Variants in DPH6 observed in about 807,000 individuals in gnomAD.
DPH6 encodes the protein diphthamine biosynthesis 6, also known as diphthine--ammonia ligase.
Under a neutral mutation model 38.2 loss-of-function variants are expected in DPH6, and 33 were observed. The ratio of observed to expected loss-of-function variants is 0.86; its 90% CI spans 0.65 to 1.15. The LOEUF (loss-of-function observed/expected upper bound fraction) is 1.15, where lower values mean the gene tolerates loss of function less well. Among genes scored for constraint, DPH6 ranks in the 50% most tolerant of loss-of-function variants. The pLI is 0.00. For synonymous variants in DPH6, 108 were observed against 103.0 expected, an observed-to-expected ratio of 1.05 and a Z score of -0.30; for missense variants, 325 against 320.0, an observed-to-expected ratio of 1.02 and a Z score of -0.12.
intron 3 of DPH6, among the ~76,000 whole-genome samples, chr15:35,229,517 ATC>A (rs2051503276): frequency 1.3e-5 from 2 of 152,186 alleles, no homozygotes; most frequent in Admixed American, 6.5e-5. Flanking sequence ...AAGGTCACAT[ATC>A]TCTGTTTCTC....
At chr15:35,170,685 A>G in the DPH6 span, among the ~76,000 whole-genome samples, 1 of 152,180 alleles carries the variant, frequency 6.6e-6, no homozygotes, top group Non-Finnish European at 1.5e-5. Context: ...TGAGTAGGAA[A>G]AATGCACTGC....
chr15:35,412,519 A>G (rs8042004), intron 5 of DPH6, among the ~76,000 whole-genome samples: 46,495 of 151,492 alleles, frequency 0.31, 7,848 homozygotes, highest in African/African-American at 0.45. Context: ...CTGCACAAAA[A>G]CCTGCACATG....
At chr15:35,537,126 T>G (rs779488004) in intron 3 of DPH6, among the ~76,000 whole-genome samples, 23 of 152,164 alleles carry the variant, frequency 1.5e-4, no homozygotes, top group Non-Finnish European at 3.1e-4. Flanking sequence ...GTGCTTCATA[T>G]ATTTTTCAAA....
At chr15:35,464,570 C>A (rs1030626283) in intron 3 of DPH6, among the ~76,000 whole-genome samples, 1 of 151,904 alleles carries the variant, frequency 6.6e-6, no homozygotes, top group Non-Finnish European at 1.5e-5. Flanking sequence ...TTCAAAGAAA[C>A]AAATCTGGTT....
chr15:35,524,013 A>C (rs561934229), intron 3 of DPH6, among the ~76,000 whole-genome samples: 6 of 152,062 alleles, frequency 3.9e-5, no homozygotes, highest in African/African-American at 1.4e-4. Flanking sequence ...TTTTTCAAAC[A>C]AACCAGTTTA....
At chr15:35,309,981 C>T (rs574405439) in intron 3 of DPH6, among the ~76,000 whole-genome samples, 3 of 152,134 alleles carry the variant, frequency 2.0e-5, no homozygotes, top group Non-Finnish European at 2.9e-5. Context: ...GAAATCACAA[C>T]TTTTGGGCCT....
intron 3 of DPH6, chr15:35,298,789 G>C: frequency 1.6e-6 from 2 of 1,229,332 alleles, no homozygotes; most frequent in Non-Finnish European, 2.4e-6. Flanking sequence ...CCGGGTTGGA[G>C]ATCTCGGTCT....
intron 3 of DPH6, chr15:35,237,248 C>G (rs2051559424): frequency 7.6e-7 from 1 of 1,319,254 alleles, no homozygotes; most frequent in Non-Finnish European, 1.1e-6. Flanking sequence ...CTGGTTGAGC[C>G]TTGAAAGTGC....
chr15:35,479,454 C>G (rs1352266565), intron 3 of DPH6, among the ~76,000 whole-genome samples: 3 of 152,056 alleles, frequency 2.0e-5, no homozygotes, highest in African/African-American at 7.2e-5. Flanking sequence ...TTGCTACAAG[C>G]AGCAACATGT....
downstream of DPH6, among the ~76,000 whole-genome samples, chr15:35,366,254 G>GTA (rs927667202): frequency 4.0e-5 from 6 of 151,160 alleles, no homozygotes; most frequent in African/African-American, 1.2e-4. Context: ...GTGTGTGTGT[G>GTA]TGTGTGTGTA....
the DPH6 span, among the ~76,000 whole-genome samples, chr15:35,195,806 C>A: frequency 6.6e-6 from 1 of 152,128 alleles, no homozygotes; most frequent in African/African-American, 2.4e-5. Flanking sequence ...GGTAGTCATC[C>A]CCCTAAAGCC....
intron 6 of DPH6, among the ~76,000 whole-genome samples, chr15:35,408,927 A>G (rs2053329164): frequency 6.6e-6 from 1 of 151,946 alleles, no homozygotes; most frequent in African/African-American, 2.4e-5. Flanking sequence ...AGAGGTAGTC[A>G]GAGAAGAACT....
chr15:35,238,978 GC>G (rs1430691654), intron 3 of DPH6, among the ~76,000 whole-genome samples: 1 of 145,834 alleles, frequency 6.9e-6, no homozygotes, highest in Non-Finnish European at 1.5e-5. Context: ...TTCGGACTCA[GC>G]CCGCCTGCAC....
intron 3 of DPH6, among the ~76,000 whole-genome samples, chr15:35,352,437 C>A (rs1402766763): frequency 1.3e-5 from 2 of 152,186 alleles, no homozygotes; most frequent in Non-Finnish European, 2.9e-5. Flanking sequence ...CCGCTACCCC[C>A]ACCCCACAAC....
At chr15:35,463,133 T>C (rs2054085914) in intron 3 of DPH6, among the ~76,000 whole-genome samples, 1 of 152,090 alleles carries the variant, frequency 6.6e-6, no homozygotes, top group African/African-American at 2.4e-5. Context: ...CAAACAGATA[T>C]ATACGAGTAT....
chr15:35,295,944 T>C (rs1008281513), intron 3 of DPH6, among the ~76,000 whole-genome samples: 3 of 151,758 alleles, frequency 2.0e-5, no homozygotes, highest in Non-Finnish European at 4.4e-5. Context: ...ATTTTTGAGA[T>C]AGAGTCTCGC....
chr15:35,496,563 AAAAAATATAT>A lies in DPH6; in HGVS notation c.312+41701_312+41710del, dbSNP rs1566931245. ...AGACGAAAGTTCCATCTCAAAAAAA[AAAAAATATAT>A]ATATATATATATATATATCCTCTAC... is the stretch of plus-strand genomic sequence containing the variant. On this transcript the variant is annotated intron_variant, in intron 3 of 8. Transcript: ENST00000256538. Among the ~76,000 whole-genome samples the A allele has an allele frequency of 1.1e-3, 17 of 16,016 alleles. 1 individual carries two copies. In the South Asian group the frequency reaches 0.077, roughly 72 times the overall value. The allele number at this position is 16,016 out of a possible 152,430, so 10.5% of individuals were successfully genotyped here.
At chr15:35,376,769 T>A (rs1242336542) in intron 7 of DPH6, among the ~76,000 whole-genome samples, 1 of 152,182 alleles carries the variant, frequency 6.6e-6, no homozygotes, top group African/African-American at 2.4e-5. Context: ...TGTGTTACAG[T>A]TATTCAGTCT....
intron 3 of DPH6, among the ~76,000 whole-genome samples, chr15:35,253,447 G>T (rs138948509): frequency 6.6e-6 from 1 of 152,100 alleles, no homozygotes; most frequent in East Asian, 1.9e-4. Flanking sequence ...CACCATTCGG[G>T]AATAATACAT....
Sources: allele counts gnomAD v4.1 joint callset (sites outside exome capture counted in the v4.1 genomes callset), GRCh38; gene constraint gnomAD v4.1.1; transcripts MANE v1.5; gene names NCBI Gene and HGNC (gene_info 2026-07-23, HGNC 2026-07-21).